FBXO7: variants seen among roughly 807,000 people sequenced by gnomAD.
FBXO7 encodes the protein F-box only protein 7.
A neutral mutation model predicts 50.2 loss-of-function variants in FBXO7; 31 were observed. The ratio of observed to expected loss-of-function variants is 0.62; its 90% confidence interval spans 0.46 to 0.83. FBXO7 has a LOEUF of 0.83. Ranked by LOEUF, FBXO7 falls within the 40% of genes least tolerant of loss-of-function variation. The pLI, the probability that FBXO7 is intolerant of heterozygous loss-of-function variation, is 0.00. For synonymous variants in FBXO7, 256 were observed against 253.1 expected (o/e 1.01, Z -0.11); for missense variants, 667 against 646.6 (o/e 1.03, Z -0.34).
At chr22:32,486,230 T>C (rs2145995246) in intron 4 of FBXO7, among the ~76,000 whole-genome samples, 1 of 120,454 alleles carries the variant, frequency 8.3e-6, no homozygotes, top group East Asian at 3.3e-4. Context: ...TTTGAAAAAA[T>C]GTTGGTTTTT....
rs141087181 is a variant in FBXO7, at chr22:32,475,951, C to G, written c.122+827C>G. Reference sequence around the variant, plus strand: ...TGGGGACAATAATTTGGGAGTAAAGCGGCAAGGTAAGAGTGGTCCTCTTCA... The same window carrying G: ...TGGGGACAATAATTTGGGAGTAAAGGGGCAAGGTAAGAGTGGTCCTCTTCA... On this transcript the variant is annotated intron_variant, in intron 1 of 8. Transcript: ENST00000266087. 367 of 152,326 alleles carry G rather than the reference C, an allele frequency of 2.4e-3. 3 individuals are homozygous for G. Among genetic ancestry groups the G allele is most frequent in the Non-Finnish European group, 4.3e-3 (296 of 68,080 alleles). 9.4% of individuals were successfully genotyped at this position (152,326 alleles called of 1,614,324 possible).
Position 32,491,098 on chromosome 22 carries a change from C to G in FBXO7, c.884C>G (p.Ala295Gly), listed in dbSNP as rs761417311. ...ICKEKLGENVANIYKDLQKLS... is the reference protein window; with the variant it reads ...ICKEKLGENVGNIYKDLQKLS... ...AAAAATATTCTAGGGGAAAATGTAG[C>G]CAACATATACAAAGATCTTCAGAAA... Residue 295 changes from alanine to glycine, a missense_variant, in exon 6 of 9, where the codon GCC (alanine) becomes GGC (glycine). Coordinates refer to ENST00000266087, the MANE Select transcript of FBXO7 (RefSeq NM_012179.4). 1.2e-6 allele frequency: 2 copies of G among 1,612,122 alleles called. No individual in the cohort carries two copies. Among genetic ancestry groups the G allele is most frequent in the South Asian group, 2.2e-5 (2 of 91,014 alleles).
At chr22:32,495,589 ATATAT>A in intron 8 of FBXO7, 59 bp downstream of exon 8, 3 of 938,768 alleles carry the variant, frequency 3.2e-6, no homozygotes, top group Admixed American at 2.2e-5. Context: ...TAGTGAATTA[ATATAT>A]TAAGGGTATA....
chr22:32,481,067 T>C lies in FBXO7; in HGVS notation c.417+1792T>C, dbSNP rs188185412. ...TGTTAATTGGTTTTTGTATGTATGC[T>C]TATCACCTCAATTTAATTGCTGGCC... On this transcript the variant is annotated intron_variant, in intron 2 of 8. Transcript: ENST00000266087. Among the ~76,000 whole-genome samples the C allele has an allele frequency of 5.2e-3, 792 of 152,324 alleles. 1 individual carries two copies. Among genetic ancestry groups the C allele is most frequent in the Non-Finnish European group, 8.1e-3 (554 of 68,040 alleles).
At chr22:32,480,207 C>G (rs751844806) in intron 2 of FBXO7, among the ~76,000 whole-genome samples, 10 of 152,152 alleles carry the variant, frequency 6.6e-5, no homozygotes, top group Non-Finnish European at 1.0e-4. Context: ...AACTCTATCT[C>G]ATAAACTTGT....
chr22:32,483,897 T>A lies in FBXO7; in HGVS notation c.418T>A (p.Leu140Ile). ...QSGVWNDDSM[L>I]GPSQNFEAES... The stretch of plus-strand genomic sequence containing the variant: ...TCATTGTTTTGTTTTCCTTTTTCAG[T>A]TAGGGCCTAGTCAAAATTTTGAAGC... Residue 140 changes from leucine (L) to isoleucine (I), a missense_variant and splice_region_variant, in exon 3 of 9, where the codon TTA becomes ATA. Leu to Ile is a conservative substitution (Grantham distance 5). Transcript: ENST00000266087. 1.9e-6 allele frequency: 3 copies of A among 1,613,874 alleles called. No homozygotes were observed. The highest frequency in any genetic ancestry group is 2.5e-6 in the Non-Finnish European group (3 of 1,179,724).
rs1273517402 is a variant in FBXO7 at position 32,493,199 on chromosome 22, T to G, written c.1062T>G (p.Ser354=). The change falls in exon 7 of 9, where the codon TCT becomes TCG. Residue 354 remains serine (S), a synonymous_variant. Coordinates refer to ENST00000266087, the MANE Select transcript of FBXO7 (RefSeq NM_012179.4). ...TTCTGGATGTTCGTTCCGTCTTGTCTTTGTCTGCGGTTTGTCGTGACCTCT... is the reference window on the plus strand; with the variant it reads ...TTCTGGATGTTCGTTCCGTCTTGTCGTTGTCTGCGGTTTGTCGTGACCTCT... ...FRLLDVRSVL[S]LSAVCRDLFT... 1.9e-6 allele frequency: 3 copies of G among 1,614,212 alleles called. No homozygotes were observed. The highest frequency in any genetic ancestry group is 1.6e-4 in the Middle Eastern group (1 of 6,062).
chr22:32,479,320 C>A lies in FBXO7; in HGVS notation c.417+45C>A, dbSNP rs755190026. On this transcript the variant is annotated intron_variant, in intron 2 of 8. Coordinates refer to ENST00000266087, the MANE Select transcript of FBXO7 (RefSeq NM_012179.4). Reference sequence around the variant, plus strand: ...ATATCAAATAGAGTAGGTGATAAGTCATATTGAACACCTCAGTTGAATTCT... The same window carrying A: ...ATATCAAATAGAGTAGGTGATAAGTAATATTGAACACCTCAGTTGAATTCT... 8.5e-6 allele frequency: 13 copies of A among 1,535,478 alleles called. No individual in the cohort carries two copies. In the South Asian group the frequency reaches 1.3e-4, roughly 16 times the overall value.
intron 2 of FBXO7, among the ~76,000 whole-genome samples, chr22:32,480,340 C>G (rs1210815947): frequency 1.3e-5 from 2 of 152,106 alleles, no homozygotes; most frequent in African/African-American, 4.8e-5. Context: ...AAAGTTACTC[C>G]ACTCAACTTT....
chr22:32,486,320 C>G (rs1256094169), intron 4 of FBXO7, among the ~76,000 whole-genome samples: 2 of 151,810 alleles, frequency 1.3e-5, no homozygotes, highest in Admixed American at 1.3e-4. Flanking sequence ...GTTCTCATTC[C>G]CCTCTTACAA....
At chr22:32,475,550 A>G in intron 1 of FBXO7, 2 of 945,758 alleles carry the variant, frequency 2.1e-6, no homozygotes, top group Non-Finnish European at 1.5e-6. Context: ...TAATTTCTTC[A>G]GCTGTTGGAG....
rs762113095 is a variant in FBXO7 at position 32,475,089 on chromosome 22, C to T, written c.87C>T (p.His29=). ...TEPTLGHLRS[H]LRQSLLCTWG... is the part of the protein sequence containing the mutation. ...CGACGCTGGGGCATTTGCGCTCGCACCTGAGGCAGTCCCTGCTGTGCACCT... is the reference window on the plus strand; with the variant it reads ...CGACGCTGGGGCATTTGCGCTCGCATCTGAGGCAGTCCCTGCTGTGCACCT... Residue 29 remains histidine, a synonymous_variant, in exon 1 of 9, where the codon CAC becomes CAT. Coordinates refer to ENST00000266087, the MANE Select transcript of FBXO7 (RefSeq NM_012179.4). 12 of 1,546,418 alleles carry T rather than the reference C, an allele frequency of 7.8e-6. No homozygotes were observed. Among genetic ancestry groups the T allele is most frequent in the Non-Finnish European group, 1.0e-5 (12 of 1,146,086 alleles).
chr22:32,489,568 A>G (rs1385580372), intron 5 of FBXO7: 1 of 152,224 alleles, frequency 6.6e-6, no homozygotes, highest in African/African-American at 2.4e-5. Context: ...GAGCCAATAA[A>G]TGGTGAAATA....
Position 32,491,191 on chromosome 22 carries a change from G to T in FBXO7, c.967+10G>T. 6.5e-7 allele frequency: 1 copy of T among 1,535,042 alleles called. No individual in the cohort carries two copies. The highest frequency in any genetic ancestry group is 9.0e-7 in the Non-Finnish European group (1 of 1,108,642). ...GCTTTTACCCGACAAGGTAAGAGAT[G>T]AAATACTGTCACAATTTAAATGACT... On this transcript the variant is annotated intron_variant, in intron 6 of 8. Coordinates refer to ENST00000266087, the MANE Select transcript of FBXO7 (RefSeq NM_012179.4).
intron 2 of FBXO7, among the ~76,000 whole-genome samples, chr22:32,482,112 T>C (rs539040805): frequency 6.6e-6 from 1 of 152,234 alleles, no homozygotes; most frequent in Non-Finnish European, 1.5e-5. Context: ...AAGTTAGACA[T>C]AGTGGTAAAG....
intron 1 of FBXO7, among the ~76,000 whole-genome samples, chr22:32,476,174 G>T (rs2057427386): frequency 6.6e-6 from 1 of 151,664 alleles, no homozygotes. Flanking sequence ...GACATTATTA[G>T]ATTGAAAGTA....
intron 3 of FBXO7, 104 bp downstream of exon 3, chr22:32,484,228 A>G: frequency 1.1e-6 from 1 of 939,908 alleles, no homozygotes; most frequent in South Asian, 1.3e-5. Context: ...AGAGAGACAA[A>G]AATATAAAGC....
chr22:32,485,151 C>G lies in FBXO7; in HGVS notation c.729C>G (p.Cys243Trp). 3 of 1,614,158 alleles carry G rather than the reference C, an allele frequency of 1.9e-6. No individual in the cohort carries two copies. The highest frequency in any genetic ancestry group is 2.5e-6 in the Non-Finnish European group (3 of 1,180,016). Residue 243 changes from cysteine to tryptophan, a missense_variant, in exon 4 of 9, where the codon TGC becomes TGG. Transcript: ENST00000266087. ...VYKLQYMHPLCEGSSATLTCV... is the reference protein window; with the variant it reads ...VYKLQYMHPLWEGSSATLTCV... ...AGCTGCAGTACATGCATCCTCTCTG[C>G]GAGGGCAGCTCCGCTACTCTCACCT...
At chr22:32,495,911 T>C (rs2057571446) in intron 8 of FBXO7, among the ~76,000 whole-genome samples, 1 of 152,216 alleles carries the variant, frequency 6.6e-6, no homozygotes, top group Non-Finnish European at 1.5e-5. Flanking sequence ...AACTGCAAGG[T>C]GGAGCAGCAA....
Sources: gnomAD v4.1 joint callset for allele counts (sites outside exome capture counted in the v4.1 genomes callset) on GRCh38, gnomAD v4.1.1 for gene constraint, MANE v1.5 for transcripts, NCBI Gene and HGNC (gene_info 2026-07-23, HGNC 2026-07-21) for gene names.